The following PPP6R3 variants were observed in gnomAD, a reference collection of about 807,000 sequenced individuals.
PPP6R3 encodes the protein serine/threonine-protein phosphatase 6 regulatory subunit 3.
Under a neutral mutation model 110.7 loss-of-function variants are expected in PPP6R3, and 38 were observed. That is an observed-to-expected ratio of 0.34 (90% confidence interval 0.26 to 0.45). The LOEUF (loss-of-function observed/expected upper bound fraction) is 0.45. PPP6R3 is among the 20% of genes least tolerant of loss of function. The pLI is 1.00. For missense variants in PPP6R3, 870 were observed against 1,062.4 expected, an observed-to-expected ratio of 0.82 and a Z score of 2.52; for synonymous variants, 369 against 373.5, an observed-to-expected ratio of 0.99 and a Z score of 0.14.
intron 2 of PPP6R3, among the ~76,000 whole-genome samples, chr11:68,526,882 G>A (rs111696869): frequency 1.3e-5 from 2 of 152,352 alleles, no homozygotes; most frequent in East Asian, 3.9e-4. Context: ...AGAGGAACAC[G>A]TTACTGTAGT....
intron 8 of PPP6R3, among the ~76,000 whole-genome samples, chr11:68,562,728 A>G (rs2099429719): frequency 6.6e-6 from 1 of 152,208 alleles, no homozygotes; most frequent in African/African-American, 2.4e-5. Context: ...GGACTTTGAT[A>G]TATATTTTGC....
At chr11:68,465,319 A>G (rs961756717) in intron 1 of PPP6R3, among the ~76,000 whole-genome samples, 10 of 152,196 alleles carry the variant, frequency 6.6e-5, no homozygotes, top group Non-Finnish European at 1.5e-4. Flanking sequence ...GCCCACTGGT[A>G]AGTTGGACTC....
At chr11:68,519,394 T>C in intron 1 of PPP6R3, 107 bp from the exon 2 acceptor site, 1 of 387,780 alleles carries the variant, frequency 2.6e-6, no homozygotes, top group South Asian at 1.4e-4. Context: ...TTCCCTGTGG[T>C]ATAGTTCTGT....
intron 1 of PPP6R3, among the ~76,000 whole-genome samples, chr11:68,490,716 G>T (rs1169087241): frequency 1.3e-5 from 2 of 151,088 alleles, no homozygotes; most frequent in African/African-American, 4.9e-5. Context: ...TCTTTCTTCA[G>T]CCGTGTTTAG....
chr11:68,551,881 G>A (rs2099382066), intron 6 of PPP6R3, among the ~76,000 whole-genome samples: 1 of 152,184 alleles, frequency 6.6e-6, no homozygotes, highest in African/African-American at 2.4e-5. Context: ...GCAGTGAAGT[G>A]GGATGTTGGT....
At chr11:68,477,144 T>G (rs944630791) in intron 1 of PPP6R3, among the ~76,000 whole-genome samples, 6 of 152,194 alleles carry the variant, frequency 3.9e-5, no homozygotes, top group Non-Finnish European at 8.8e-5. Flanking sequence ...TATGTGTGTT[T>G]AAAAGAATGT....
chr11:68,587,181 C>G (rs959553310), intron 15 of PPP6R3: 1 of 149,880 alleles, frequency 6.7e-6, no homozygotes, highest in Admixed American at 6.6e-5. Context: ...ATAACACCCC[C>G]CCCCCCCACA....
rs539517686 is a variant in PPP6R3, at chr11:68,506,090, G to A, written c.-157-13411G>A. Among the ~76,000 whole-genome samples the A allele has an allele frequency of 4.0e-5, 6 of 149,882 alleles. No homozygotes were observed. The South Asian group carries it at 1.3e-3, about 32-fold the overall frequency. ...GGTATCTTGTTTTGCCAGTTTATTA[G>A]GTTGGTGCAAAAGTAATTGTGGTTT... On this transcript the variant is annotated intron_variant, in intron 1 of 23. Transcript: ENST00000393800.
At chr11:68,479,922 T>C (rs933377370) in intron 1 of PPP6R3, among the ~76,000 whole-genome samples, 1 of 152,034 alleles carries the variant, frequency 6.6e-6, no homozygotes, top group South Asian at 2.1e-4. Flanking sequence ...TATTTTTTTA[T>C]GAACAGGGTT....
chr11:68,613,718 C>T lies in PPP6R3; in HGVS notation c.*601C>T, dbSNP rs773227908. 3.2e-5 allele frequency: 31 copies of T among 980,372 alleles called. No homozygotes were observed. Among genetic ancestry groups the T allele is most frequent in the African/African-American group, 1.1e-4 (6 of 56,318 alleles). 60.7% of individuals were successfully genotyped at this position (980,372 alleles called of 1,614,324 possible). ...TAATTGTTTTCTGTATTGTTTAAAA[C>T]GGATCAAAAATGTAAGTCTATTGGT... is the stretch of plus-strand genomic sequence containing the variant. On this transcript the variant is annotated 3_prime_UTR_variant, in exon 24 of 24. Coordinates refer to ENST00000393800, the MANE Select transcript of PPP6R3 (RefSeq NM_001164161.2).
chr11:68,592,435 G>A (rs913932798), intron 18 of PPP6R3, among the ~76,000 whole-genome samples: 7 of 152,194 alleles, frequency 4.6e-5, no homozygotes, highest in African/African-American at 1.7e-4. Context: ...AAGTAAAACT[G>A]TCTCATCCCT....
chr11:68,537,927 A>G, intron 3 of PPP6R3, 36 bp downstream of exon 3: 1 of 1,463,990 alleles, frequency 6.8e-7, no homozygotes, highest in Non-Finnish European at 9.5e-7. Context: ...GAGTGGGACT[A>G]AAGTGAAGTG....
At chr11:68,569,557 G>A (rs571329866) in intron 10 of PPP6R3, among the ~76,000 whole-genome samples, 191 bp from the exon 11 acceptor site, 1 of 152,248 alleles carries the variant, frequency 6.6e-6, no homozygotes, top group African/African-American at 2.4e-5. Context: ...TTGACTGTGG[G>A]TAACTGAAAC....
At chr11:68,580,921 G>A (rs1057510618) in intron 14 of PPP6R3, among the ~76,000 whole-genome samples, 9 of 151,862 alleles carry the variant, frequency 5.9e-5, no homozygotes, top group South Asian at 2.1e-4. Flanking sequence ...ACAGGCACCC[G>A]CCACCGTGCC....
chr11:68,598,412 G>A (rs1418595209), intron 19 of PPP6R3, among the ~76,000 whole-genome samples: 1 of 152,208 alleles, frequency 6.6e-6, no homozygotes, highest in African/African-American at 2.4e-5. Context: ...AAGCAGCGAG[G>A]AGGCGAGCAC....
intron 1 of PPP6R3, among the ~76,000 whole-genome samples, chr11:68,469,598 T>TG (rs1288946132): frequency 6.6e-6 from 1 of 151,904 alleles, no homozygotes. Context: ...AGGCTGGTCT[T>TG]GAACTCCTGG....
rs1555132283 is a variant in PPP6R3 at position 68,542,389 on chromosome 11, G to GGTTTTTTTTTTTTT, written c.228-2449_228-2448insGTTTTTTTTTTTTT. Among the ~76,000 whole-genome samples the GGTTTTTTTTTTTTT allele has an allele frequency of 9.9e-5, 4 of 40,206 alleles. No individual in the cohort carries two copies. The East Asian group carries it at 3.0e-3, about 31-fold the overall frequency. The allele number at this position is 40,206 out of a possible 152,430, so 26.4% of individuals were successfully genotyped here. A position where few individuals can be genotyped will look rare whatever the true frequency, so the allele number is the denominator to read the frequency against. On this transcript the variant is annotated intron_variant, in intron 3 of 23. Coordinates refer to ENST00000393800, the MANE Select transcript of PPP6R3 (RefSeq NM_001164161.2). ...ATCTTTGGGTGCTTGAGAAGCTGCTGTTTTTTTTTTTTTTTTTTTTTTAAG... is the reference window on the plus strand; with the variant it reads ...ATCTTTGGGTGCTTGAGAAGCTGCTGGTTTTTTTTTTTTTTTTTTTTTTTTTTTTTTTTTTTAAG...
rs138074905 is a variant in PPP6R3, at chr11:68,606,279, TTTCCTCCTC to T, written c.2450+2797_2450+2805del. 3.4e-3 allele frequency among the ~76,000 whole-genome samples: 518 copies of T among 152,214 alleles called. 6 individuals are homozygous for T. The highest frequency in any genetic ancestry group is 0.012 in the African/African-American group (495 of 41,526). On this transcript the variant is annotated intron_variant, in intron 22 of 23. Transcript: ENST00000393800. ...AACAGAAGTGAATTTATTTTTCTTC[TTTCCTCCTC>T]TTCCTCCTCCCTCCTTCCTCCTTCT...
At chr11:68,461,469 C>T (rs976574462) in intron 1 of PPP6R3, among the ~76,000 whole-genome samples, 1 of 143,318 alleles carries the variant, frequency 7.0e-6, no homozygotes, top group African/African-American at 2.6e-5. Context: ...TCTCGAATGC[C>T]TCCCTGGTGT....
Sources: allele counts gnomAD v4.1 joint callset (sites outside exome capture counted in the v4.1 genomes callset), GRCh38; gene constraint gnomAD v4.1.1; transcripts MANE v1.5; gene names NCBI Gene and HGNC (gene_info 2026-07-23, HGNC 2026-07-21).